The following BCL2 variants were observed in gnomAD, a reference collection of about 807,000 sequenced individuals.
BCL2 encodes the protein BCL2 apoptosis regulator.
Under a neutral mutation model 14.2 loss-of-function variants are expected in BCL2, and 1 was observed. The observed-to-expected ratio is 0.07, with a 90% CI of 0.02 to 0.33. The LOEUF (loss-of-function observed/expected upper bound fraction) is 0.33, where lower values mean the gene tolerates loss of function less well. BCL2 is among the 10% of genes least tolerant of loss of function. The probability of loss-of-function intolerance (pLI) is 0.99; values close to 1 mark genes in which losing one functional copy is unlikely to be tolerated. For missense variants in BCL2, 247 were observed against 305.9 expected (o/e 0.81, Z 1.44); for synonymous variants, 151 against 137.2 (o/e 1.10, Z -0.70).
At chr18:63,223,886 G>A (rs1372290360) in intron 2 of BCL2, among the ~76,000 whole-genome samples, 1 of 152,078 alleles carries the variant, frequency 6.6e-6, no homozygotes, top group Admixed American at 6.5e-5. Flanking sequence ...AGGACTGCCC[G>A]ACATGCAAGG....
intron 2 of BCL2, among the ~76,000 whole-genome samples, chr18:63,148,965 C>T (rs986171035): frequency 6.6e-6 from 1 of 152,134 alleles, no homozygotes; most frequent in East Asian, 1.9e-4. Flanking sequence ...ATAAAATATC[C>T]TGCCTTTCCA....
intron 2 of BCL2, among the ~76,000 whole-genome samples, chr18:63,205,028 C>T (rs958507292): frequency 6.6e-6 from 1 of 151,952 alleles, no homozygotes; most frequent in African/African-American, 2.4e-5. Flanking sequence ...GAGGTGCTAG[C>T]GAGACTTTCC....
chr18:63,188,790 A>C (rs757849290), intron 2 of BCL2, among the ~76,000 whole-genome samples: 1 of 152,054 alleles, frequency 6.6e-6, no homozygotes, highest in Non-Finnish European at 1.5e-5. Flanking sequence ...ATGAATATAC[A>C]TGCATTTGTA....
chr18:63,293,615 T>C (rs1599295324), intron 2 of BCL2, among the ~76,000 whole-genome samples: 1 of 152,136 alleles, frequency 6.6e-6, no homozygotes, highest in Admixed American at 6.5e-5. Flanking sequence ...GACTGGGGTG[T>C]CCAGAGGACC....
chr18:63,183,835 T>C (rs544242767), intron 2 of BCL2, among the ~76,000 whole-genome samples: 192 of 152,320 alleles, frequency 1.3e-3, no homozygotes, highest in African/African-American at 4.5e-3. Context: ...TTCCCATCTC[T>C]TGTGTACATT....
At chr18:63,215,084 T>G (rs1019309981) in intron 2 of BCL2, among the ~76,000 whole-genome samples, 1 of 152,134 alleles carries the variant, frequency 6.6e-6, no homozygotes, top group African/African-American at 2.4e-5. Flanking sequence ...CTTAATGAAT[T>G]CTCTTTTATA....
chr18:63,279,373 C>A (rs1395300243), intron 2 of BCL2, among the ~76,000 whole-genome samples: 1 of 152,158 alleles, frequency 6.6e-6, no homozygotes, highest in Non-Finnish European at 1.5e-5. Flanking sequence ...GAAAAATGGA[C>A]AAGAGACTTG....
chr18:63,291,839 A>T (rs1408269922), intron 2 of BCL2, among the ~76,000 whole-genome samples: 1 of 151,740 alleles, frequency 6.6e-6, no homozygotes, highest in African/African-American at 2.4e-5. Context: ...AATCTAGCTT[A>T]TGTCTCTCTT....
At chr18:63,162,097 C>T (rs111886309) in intron 2 of BCL2, among the ~76,000 whole-genome samples, 70 of 152,196 alleles carry the variant, frequency 4.6e-4, no homozygotes, top group Middle Eastern at 3.4e-3. Flanking sequence ...CTGCCCGCTC[C>T]GCACTCAAAT....
At chr18:63,247,961 T>C (rs1052398569) in intron 2 of BCL2, among the ~76,000 whole-genome samples, 6 of 152,066 alleles carry the variant, frequency 3.9e-5, no homozygotes. Context: ...TTCAAAATCA[T>C]GGGAATAAGA....
At chr18:63,210,632 G>A (rs1188421101) in intron 2 of BCL2, among the ~76,000 whole-genome samples, 1 of 152,186 alleles carries the variant, frequency 6.6e-6, no homozygotes, top group Non-Finnish European at 1.5e-5. Context: ...GAAAGACGCT[G>A]GATGAAAAGA....
chr18:63,177,962 G>A (rs1915389074), intron 2 of BCL2, among the ~76,000 whole-genome samples: 2 of 152,122 alleles, frequency 1.3e-5, no homozygotes, highest in Non-Finnish European at 2.9e-5. Flanking sequence ...GCATGAGGAG[G>A]GCACGTGCAC....
At chr18:63,158,176 G>A (rs1006001068) in intron 2 of BCL2, among the ~76,000 whole-genome samples, 4 of 152,138 alleles carry the variant, frequency 2.6e-5, no homozygotes, top group African/African-American at 9.7e-5. Flanking sequence ...GGTTTCTCAA[G>A]CTGGAGGAGC....
intron 2 of BCL2, among the ~76,000 whole-genome samples, chr18:63,158,964 G>C (rs1443741658): frequency 6.6e-6 from 1 of 152,188 alleles, no homozygotes; most frequent in African/African-American, 2.4e-5. Context: ...ACTGCCTCCA[G>C]CCCATGCCCT....
chr18:63,135,333 C>A (rs1280142819), intron 2 of BCL2, among the ~76,000 whole-genome samples: 2 of 152,200 alleles, frequency 1.3e-5, no homozygotes, highest in Non-Finnish European at 2.9e-5. Context: ...CTCATCTGGG[C>A]TTCCAAGTGG....
chr18:63,302,960 G>C, intron 2 of BCL2: 1 of 873,204 alleles, frequency 1.1e-6, no homozygotes, highest in Non-Finnish European at 1.4e-6. Flanking sequence ...GCTGAAGGTG[G>C]GTTTGTTTTT....
At chr18:63,237,568 T>C (rs1351146839) in intron 2 of BCL2, among the ~76,000 whole-genome samples, 2 of 152,178 alleles carry the variant, frequency 1.3e-5, no homozygotes, top group Admixed American at 1.3e-4. Context: ...AGTGCCTCCT[T>C]TATATGTTCA....
At chr18:63,169,233 T>G (rs1272935665) in intron 2 of BCL2, among the ~76,000 whole-genome samples, 1 of 151,012 alleles carries the variant, frequency 6.6e-6, no homozygotes, top group African/African-American at 2.5e-5. Context: ...ACAGAATAGT[T>G]TTTCCCCTTC....
intron 2 of BCL2, among the ~76,000 whole-genome samples, chr18:63,187,985 C>A (rs1431203234): frequency 2.0e-5 from 3 of 152,062 alleles, no homozygotes; most frequent in Admixed American, 1.3e-4. Context: ...ATAGGGCTGG[C>A]GTTCAGACCA....
Sources: gnomAD v4.1 joint callset for allele counts (sites outside exome capture counted in the v4.1 genomes callset) on GRCh38, gnomAD v4.1.1 for gene constraint, MANE v1.5 for transcripts, NCBI Gene and HGNC (gene_info 2026-07-23, HGNC 2026-07-21) for gene names.